The following TRMT44 variants were observed in gnomAD, a reference collection of about 807,000 sequenced individuals.
The protein encoded by TRMT44 is probable tRNA (uracil-O(2)-)-methyltransferase.
In TRMT44, 78 loss-of-function variants were observed where a neutral mutation model predicts 77.3. That is an observed-to-expected ratio of 1.01 (90% CI 0.84 to 1.22). The LOEUF (loss-of-function observed/expected upper bound fraction) is 1.22. Ranked by LOEUF, TRMT44 falls within the 50% of genes most tolerant of loss-of-function variation. The pLI is 0.00. For missense variants in TRMT44, 1,090 were observed against 964.4 expected, an observed-to-expected ratio of 1.13 and a Z score of -1.73; for synonymous variants, 391 against 383.3, an observed-to-expected ratio of 1.02 and a Z score of -0.23.
rs1047250598 is a variant in TRMT44, at chr4:8,451,490, T to C, written c.955-470T>C. Among the ~76,000 whole-genome samples the C allele has an allele frequency of 7.9e-5, 12 of 152,196 alleles. No individual in the cohort carries two copies. Among genetic ancestry groups the C allele is most frequent in the African/African-American group, 2.9e-4 (12 of 41,458 alleles). On this transcript the variant is annotated intron_variant, in intron 3 of 10. Transcript: ENST00000389737. This position sits in a 1 kb window ranked among gnomAD's most constrained non-coding sequence, Gnocchi z 4.1. The stretch of plus-strand genomic sequence containing the variant: ...TTTTCAGAGCACCTTGATTATCCTG[T>C]GTGTTAGTTGAGGCATGGCTTTATC...
intron 9 of TRMT44, chr4:8,468,673 A>G (rs2109168977): frequency 1.9e-6 from 1 of 532,692 alleles, no homozygotes; most frequent in African/African-American, 1.9e-5. Context: ...TACTGAGTGC[A>G]AGCAAAATGC....
chr4:8,464,743 A>G (rs2109149849), intron 7 of TRMT44, among the ~76,000 whole-genome samples: 1 of 152,368 alleles, frequency 6.6e-6, no homozygotes, highest in South Asian at 2.1e-4. Flanking sequence ...GACCCTTGAT[A>G]ACAGGAACTG....
chr4:8,446,392 G>A lies in TRMT44; in HGVS notation c.620-84G>A, dbSNP rs1484182501. On this transcript the variant is annotated intron_variant, in intron 1 of 10. Transcript: ENST00000389737. The surrounding 1 kb of genome is among the most constrained non-coding windows in gnomAD (Gnocchi z 4.3). ...CTGGGGGATTGAAAGCATCGTGCTT[G>A]ACTCATCCCTATTTTTAATACTGCT... The A allele has an allele frequency of 1.2e-6, 1 of 846,990 alleles. No individual in the cohort carries two copies. Among genetic ancestry groups the A allele is most frequent in the African/African-American group, 1.7e-5 (1 of 59,492 alleles). The allele number at this position is 846,990 out of a possible 1,614,324, so 52.5% of individuals were successfully genotyped here. A position where few individuals can be genotyped will look rare whatever the true frequency, so the allele number is the denominator to read the frequency against.
At chr4:8,453,782 G>C (rs542487063) in intron 5 of TRMT44, 1 of 152,352 alleles carries the variant, frequency 6.6e-6, no homozygotes, top group South Asian at 2.1e-4. Context: ...TCCTGCTAGG[G>C]GGCAACAGCT....
chr4:8,459,906 G>A (rs1469179926), intron 6 of TRMT44, among the ~76,000 whole-genome samples: 1 of 152,188 alleles, frequency 6.6e-6, no homozygotes, highest in Non-Finnish European at 1.5e-5. Context: ...GAGGCTGGGG[G>A]TGTTGTGTAG....
At chr4:8,496,663 G>A (rs990008315), downstream of TRMT44, among the ~76,000 whole-genome samples, 14 of 152,140 alleles carry the variant, frequency 9.2e-5, no homozygotes, top group Admixed American at 3.3e-4. Context: ...TTAGAAACGC[G>A]TATTAATCTA....
chr4:8,453,514 G>C (rs553018737), intron 5 of TRMT44: 1 of 152,838 alleles, frequency 6.5e-6, no homozygotes, highest in African/African-American at 2.4e-5. Flanking sequence ...GTTCTGGCTC[G>C]GACGGCCAGT....
intron 8 of TRMT44, among the ~76,000 whole-genome samples, chr4:8,467,456 TCA>T (rs2109162557): frequency 6.6e-6 from 1 of 152,238 alleles, no homozygotes; most frequent in South Asian, 2.1e-4. Flanking sequence ...TATATTGGTG[TCA>T]GTTTTTATTT....
At chr4:8,511,905 A>G in the TRMT44 span, 1 of 152,208 alleles carries the variant, frequency 6.6e-6, no homozygotes, top group Non-Finnish European at 1.5e-5. Context: ...GACTTCAAAG[A>G]TAGTCAATGA....
At chr4:8,447,360 G>A (rs115903073) in intron 2 of TRMT44, among the ~76,000 whole-genome samples, 49 of 152,318 alleles carry the variant, frequency 3.2e-4, no homozygotes, top group Non-Finnish European at 5.9e-4. Context: ...AAACGAAAAA[G>A]TCAGAGGAGG....
chr4:8,483,417 T>TGC lies in TRMT44; in HGVS notation n.3891+3885_3891+3886insCG, dbSNP rs757495848. Among the ~76,000 whole-genome samples, 22 of 150,172 alleles carry TGC rather than the reference T, an allele frequency of 1.5e-4. 1 individual carries two copies. Among genetic ancestry groups the TGC allele is most frequent in the Non-Finnish European group, 7.4e-5 (5 of 67,420 alleles). On this transcript the variant is annotated intron_variant and non_coding_transcript_variant, in intron 2 of 2. Coordinates refer to the TRMT44 transcript ENST00000511366. ...AGATAGTAGGGTTGACAAGTTTTTT[T>TGC]GGGGGGGGGCACGGTCTAAGTTGGT... is the stretch of plus-strand genomic sequence containing the variant.
the TRMT44 span, among the ~76,000 whole-genome samples, chr4:8,502,344 G>A: frequency 1.3e-5 from 2 of 152,360 alleles, no homozygotes; most frequent in South Asian, 4.1e-4. Context: ...AGGGGGTCAG[G>A]TGGAGGGAGA....
intron 1 of TRMT44, among the ~76,000 whole-genome samples, chr4:8,445,207 G>C (rs545259149): frequency 6.6e-6 from 1 of 152,274 alleles, no homozygotes; most frequent in East Asian, 1.9e-4. Flanking sequence ...TCTTAGTCTG[G>C]TCTCTAACTC....
intron 9 of TRMT44, among the ~76,000 whole-genome samples, chr4:8,470,491 CTT>C (rs1440095836): frequency 6.6e-6 from 1 of 152,278 alleles, no homozygotes; most frequent in African/African-American, 2.4e-5. Context: ...TAATAAATGA[CTT>C]TAATGTCACC....
intron 10 of TRMT44, among the ~76,000 whole-genome samples, chr4:8,471,856 G>C (rs1037886910): frequency 6.6e-6 from 1 of 152,168 alleles, no homozygotes; most frequent in Non-Finnish European, 1.5e-5. Context: ...AGGGAGGGGG[G>C]AGATGTAGCA....
intron 9 of TRMT44, among the ~76,000 whole-genome samples, chr4:8,469,049 G>T (rs1408472982): frequency 1.3e-5 from 2 of 152,222 alleles, no homozygotes; most frequent in African/African-American, 2.4e-5. Context: ...CTTCTGCCTG[G>T]CTGCGCATTT....
downstream of TRMT44, chr4:8,477,013 T>C (rs1727425271): frequency 6.6e-6 from 1 of 152,310 alleles, no homozygotes; most frequent in South Asian, 2.1e-4. Context: ...AGTGCTGGCA[T>C]GACAGCTGCG....
At position 8,461,346 on chromosome 4, in the gene TRMT44, C is replaced by T. The variant is rs1384934267; in HGVS notation, c.1204-2639C>T. On this transcript the variant is annotated intron_variant, in intron 6 of 10. Coordinates refer to ENST00000389737, the MANE Select transcript of TRMT44 (RefSeq NM_152544.3). The surrounding 1 kb of genome is among the most constrained non-coding windows in gnomAD (Gnocchi z 4.6). ...TAGACTCTCACACATGTCCCAGAATCGGGCTCTAAACTTGGCTATGAAGTT... is the reference window on the plus strand; with the variant it reads ...TAGACTCTCACACATGTCCCAGAATTGGGCTCTAAACTTGGCTATGAAGTT... 6.6e-6 allele frequency among the ~76,000 whole-genome samples: 1 copy of T among 152,180 alleles called. No individual in the cohort carries two copies. Among genetic ancestry groups the T allele is most frequent in the Non-Finnish European group, 1.5e-5 (1 of 68,034 alleles).
chr4:8,483,375 GA>G (rs1727687615), intron 2 of TRMT44, among the ~76,000 whole-genome samples: 1 of 151,872 alleles, frequency 6.6e-6, no homozygotes, highest in Admixed American at 6.6e-5. Flanking sequence ...CGGTGAATAG[GA>G]ATATGACTAG....
Sources: allele counts gnomAD v4.1 joint callset (sites outside exome capture counted in the v4.1 genomes callset), GRCh38; gene constraint gnomAD v4.1.1; non-coding constraint Gnocchi (gnomAD v3.1); transcripts MANE v1.5; gene names NCBI Gene and HGNC (gene_info 2026-07-23, HGNC 2026-07-21).